The following MAP2K4 variants were observed in gnomAD, a reference collection of about 807,000 sequenced individuals.
The protein encoded by MAP2K4 is mitogen-activated protein kinase kinase 4.
Under a neutral mutation model 48.5 loss-of-function variants are expected in MAP2K4, and 4 were observed. The ratio of observed to expected loss-of-function variants is 0.08; its 90% CI spans 0.04 to 0.19. MAP2K4 has a LOEUF of 0.19. MAP2K4 is among the 10% of genes least tolerant of loss of function. The pLI, the probability that MAP2K4 is intolerant of heterozygous loss-of-function variation, is 1.00. For synonymous variants in MAP2K4, 166 were observed against 173.1 expected (o/e 0.96, Z 0.32); for missense variants, 258 against 493.3 (o/e 0.52, Z 4.52).
intron 2 of MAP2K4, among the ~76,000 whole-genome samples, chr17:12,056,943 A>G (rs940255661): frequency 1.1e-4 from 17 of 152,148 alleles, no homozygotes; most frequent in South Asian, 4.1e-4. Context: ...AACTTTAATA[A>G]TTACAGATGT....
chr17:12,034,302 C>A (rs1969527621), intron 1 of MAP2K4, among the ~76,000 whole-genome samples: 1 of 152,194 alleles, frequency 6.6e-6, no homozygotes, highest in South Asian at 2.1e-4. Flanking sequence ...GTGCGGCCTG[C>A]TTTGATACAT....
intron 7 of MAP2K4, among the ~76,000 whole-genome samples, chr17:12,120,161 TA>T (rs1484213702): frequency 1.3e-5 from 2 of 151,826 alleles, no homozygotes; most frequent in Non-Finnish European, 2.9e-5. Flanking sequence ...AGTAAAAGTT[TA>T]AAAAAAATAA....
intron 1 of MAP2K4, among the ~76,000 whole-genome samples, chr17:12,045,515 T>G (rs953486016): frequency 5.9e-5 from 9 of 152,240 alleles, no homozygotes; most frequent in African/African-American, 2.2e-4. Flanking sequence ...ACAAGCCTTA[T>G]GACTTTTCTT....
At chr17:12,075,250 A>G (rs1387043608) in intron 2 of MAP2K4, among the ~76,000 whole-genome samples, 2 of 152,206 alleles carry the variant, frequency 1.3e-5, no homozygotes, top group African/African-American at 4.8e-5. Context: ...ACAAGATTAT[A>G]GAAAGGGGGC....
chr17:12,066,253 A>G (rs1024771841), intron 2 of MAP2K4, among the ~76,000 whole-genome samples: 13 of 152,214 alleles, frequency 8.5e-5, no homozygotes, highest in Non-Finnish European at 1.9e-4. Flanking sequence ...GCTTCTGGTA[A>G]GAGAATTCAG....
intron 9 of MAP2K4, among the ~76,000 whole-genome samples, chr17:12,139,071 T>TCC (rs1973297633): frequency 1.3e-5 from 2 of 152,300 alleles, no homozygotes; most frequent in Admixed American, 1.3e-4. Flanking sequence ...GTGTGGGATA[T>TCC]GGAAAACAGC....
chr17:12,079,319 G>T (rs557304685), intron 2 of MAP2K4, among the ~76,000 whole-genome samples: 1 of 152,102 alleles, frequency 6.6e-6, no homozygotes, highest in Non-Finnish European at 1.5e-5. Context: ...TTTAAAATAA[G>T]ACATAATATT....
intron 2 of MAP2K4, among the ~76,000 whole-genome samples, chr17:12,078,715 C>A (rs777892009): frequency 6.6e-6 from 1 of 151,998 alleles, no homozygotes; most frequent in African/African-American, 2.4e-5. Flanking sequence ...GGTGTGTTTT[C>A]TACTGTTTAT....
Position 12,079,599 on chromosome 17 carries a change from T to TA in MAP2K4, c.219-1751dup, listed in dbSNP as rs751325994. Among the ~76,000 whole-genome samples the TA allele has an allele frequency of 1.5e-3, 236 of 152,302 alleles. 1 individual carries two copies. Among genetic ancestry groups the TA allele is most frequent in the Non-Finnish European group, 1.7e-3 (115 of 68,022 alleles). ...ACAGCCCTTCAATTAGCGAACACTG[T>TA]AAAAAATTTTGCTTCTGATTTACAA... On this transcript the variant is annotated intron_variant, in intron 2 of 10. Transcript: ENST00000353533.
intron 3 of MAP2K4, among the ~76,000 whole-genome samples, chr17:12,088,750 A>T (rs567182154): frequency 6.6e-6 from 1 of 150,596 alleles, no homozygotes; most frequent in African/African-American, 2.4e-5. Flanking sequence ...GGATTTCTGC[A>T]TGGGTAATTA....
intron 2 of MAP2K4, among the ~76,000 whole-genome samples, chr17:12,075,013 AGGTGC>A (rs1970952577): frequency 6.6e-6 from 1 of 152,168 alleles, no homozygotes; most frequent in African/African-American, 2.4e-5. Context: ...GGACAAGTGG[AGGTGC>A]CACATTGACA....
intron 7 of MAP2K4, among the ~76,000 whole-genome samples, chr17:12,116,469 T>A (rs1382319155): frequency 6.6e-6 from 1 of 152,284 alleles, no homozygotes; most frequent in African/African-American, 2.4e-5. Flanking sequence ...CTGTAACTTT[T>A]TTACTTTATA....
chr17:12,129,158 G>A lies in MAP2K4; in HGVS notation c.911G>A (p.Arg304Gln), dbSNP rs1194360851. 2 of 1,613,788 alleles carry A rather than the reference G, an allele frequency of 1.2e-6. No individual in the cohort carries two copies. Among genetic ancestry groups the A allele is most frequent in the African/African-American group, 1.3e-5 (1 of 74,896 alleles). The change falls in exon 9 of 11, where the codon CGA becomes CAA. Residue 304 changes from arginine (R) to glutamine (Q), a missense_variant. By Grantham distance (43) the Arg-to-Gln change is conservative. Around this residue, in one of 3 missense-constraint regions of MAP2K4, gnomAD observed 132 missense variants for 352.8 expected, o/e 0.37. Coordinates refer to ENST00000353533, the MANE Select transcript of MAP2K4 (RefSeq NM_003010.4). ...CTTTAGTATGAGTTGGCCACAGGCC[G>A]ATTTCCTTATCCAAAGTGGAATAGT... ...GITLYELATG[R>Q]FPYPKWNSVF...
rs959360315 is a variant in MAP2K4, at chr17:12,093,835, C to G, written c.394-1740C>G. Among the ~76,000 whole-genome samples, 12 of 151,992 alleles carry G rather than the reference C, an allele frequency of 7.9e-5. 1 individual carries two copies. The highest frequency in any genetic ancestry group is 2.9e-4 in the African/African-American group (12 of 41,394). ...ATTAAGATTCTTTTATAAATAATTACCTTCCTAAATTAGCATTTTCACAGC... is the reference window on the plus strand; with the variant it reads ...ATTAAGATTCTTTTATAAATAATTAGCTTCCTAAATTAGCATTTTCACAGC... On this transcript the variant is annotated intron_variant, in intron 3 of 10. Coordinates refer to ENST00000353533, the MANE Select transcript of MAP2K4 (RefSeq NM_003010.4).
intron 3 of MAP2K4, among the ~76,000 whole-genome samples, chr17:12,090,862 G>T (rs1981628): frequency 0.17 from 25,608 of 152,116 alleles, 2,536 homozygotes; most frequent in South Asian, 0.3. Context: ...CCTTAAGCGA[G>T]TTTAGTTTTA....
intron 4 of MAP2K4, among the ~76,000 whole-genome samples, chr17:12,106,333 CAG>C (rs1052240653): frequency 5.9e-5 from 9 of 152,034 alleles, no homozygotes; most frequent in African/African-American, 2.2e-4. Context: ...AAGAGATTTA[CAG>C]AGAGAAGAAA....
At chr17:12,102,498 A>G (rs1971967031) in intron 4 of MAP2K4, among the ~76,000 whole-genome samples, 1 of 151,912 alleles carries the variant, frequency 6.6e-6, no homozygotes, top group Non-Finnish European at 1.5e-5. Context: ...TTCTTTTCTT[A>G]TTTTTGTCTG....
At chr17:12,036,034 T>G (rs1236197918) in intron 1 of MAP2K4, among the ~76,000 whole-genome samples, 3 of 152,214 alleles carry the variant, frequency 2.0e-5, no homozygotes, top group African/African-American at 7.2e-5. Flanking sequence ...TTGGGAAACA[T>G]CTCTGTAGAA....
intron 1 of MAP2K4, among the ~76,000 whole-genome samples, chr17:12,037,092 T>A (rs1023137603): frequency 6.6e-5 from 10 of 152,132 alleles, no homozygotes; most frequent in African/African-American, 2.4e-4. Flanking sequence ...ATTTAGAAGA[T>A]TAGATGCTCC....
Sources: gnomAD v4.1 joint callset for allele counts (sites outside exome capture counted in the v4.1 genomes callset) on GRCh38, gnomAD v4.1.1 for gene constraint, gnomAD v4.1.1 regional missense constraint, MANE v1.5 for transcripts, NCBI Gene and HGNC (gene_info 2026-07-23, HGNC 2026-07-21) for gene names.